Variants in THBS4 observed in about 807,000 individuals in gnomAD.
THBS4 encodes thrombospondin-4.
THBS4 carries 90 observed loss-of-function variants against 115.7 expected under a neutral mutation model. That is an observed-to-expected ratio of 0.78 (90% CI 0.66 to 0.93). The LOEUF (loss-of-function observed/expected upper bound fraction) is 0.93, where lower values mean the gene tolerates loss of function less well. Ranked by LOEUF, THBS4 falls within the 40% of genes least tolerant of loss-of-function variation. THBS4 has a pLI of 0.00. For synonymous variants in THBS4, 460 were observed against 479.3 expected (o/e 0.96, Z 0.53); for missense variants, 1,087 against 1,232.7 (o/e 0.88, Z 1.77).
At chr5:80,044,924 C>T (rs1325917864) in intron 2 of THBS4, among the ~76,000 whole-genome samples, 1 of 151,998 alleles carries the variant, frequency 6.6e-6, no homozygotes, top group African/African-American at 2.4e-5. Flanking sequence ...TAGTATCTGG[C>T]GTAAAGACAA....
At chr5:80,061,428 T>C (rs1833630443) in intron 7 of THBS4, among the ~76,000 whole-genome samples, 2 of 152,158 alleles carry the variant, frequency 1.3e-5, no homozygotes, top group Admixed American at 6.5e-5. Context: ...GCTTATTACA[T>C]TGAGAGGTAG....
At chr5:80,028,231 C>T (rs1053523108) in intron 2 of THBS4, among the ~76,000 whole-genome samples, 2 of 152,012 alleles carry the variant, frequency 1.3e-5, no homozygotes, top group East Asian at 3.9e-4. Flanking sequence ...AACTTATCTA[C>T]CCTTACCATC....
chr5:80,021,768 C>T (rs1174052558), intron 2 of THBS4, among the ~76,000 whole-genome samples: 2 of 152,278 alleles, frequency 1.3e-5, no homozygotes, highest in South Asian at 2.1e-4. Context: ...ACTCTTCCTT[C>T]GGCCTCCTAA....
intron 1 of THBS4, among the ~76,000 whole-genome samples, chr5:79,993,110 A>C (rs1233392052): frequency 1.3e-5 from 2 of 152,206 alleles, no homozygotes; most frequent in African/African-American, 4.8e-5. Context: ...CACATAACAC[A>C]GTTACTCAGT....
Position 80,065,411 on chromosome 5 carries a change from C to G in THBS4, c.1128C>G (p.Val376=), listed in dbSNP as rs748425193. 7.4e-6 allele frequency: 12 copies of G among 1,612,532 alleles called. No individual in the cohort carries two copies. The South Asian group carries it at 1.2e-4, about 16-fold the overall frequency. ...TTCTTTGAACTTTTCTGCACTAGGT[C>G]TGCACTGACATTGATGAGTGTCGAA... ...GISFAKSNKQ[V]CTDIDECRNG... The change falls in exon 9 of 22, where the codon GTC becomes GTG. Residue 376 remains valine, a splice_region_variant and synonymous_variant. Transcript: ENST00000350881.
Position 80,069,836 on chromosome 5 carries a change from G to A in THBS4, c.1348-470G>A, listed in dbSNP as rs1418902210. Reference sequence around the variant, plus strand: ...AGCACAGATGATTGAGAATAAGCAGGCTGTGGCTGAGGAAGTCACTGGTCT... The same window carrying A: ...AGCACAGATGATTGAGAATAAGCAGACTGTGGCTGAGGAAGTCACTGGTCT... On this transcript the variant is annotated intron_variant, in intron 10 of 21. Transcript: ENST00000350881. Among the ~76,000 whole-genome samples, 11 of 152,334 alleles carry A rather than the reference G, an allele frequency of 7.2e-5. No homozygotes were observed. The East Asian group carries it at 2.1e-3, about 29-fold the overall frequency.
chr5:80,038,626 A>G (rs960154582), intron 1 of THBS4, among the ~76,000 whole-genome samples: 16 of 152,084 alleles, frequency 1.1e-4, no homozygotes, highest in African/African-American at 3.9e-4. Context: ...ATGCCAACAG[A>G]GCTCAGGTTT....
intron 1 of THBS4, among the ~76,000 whole-genome samples, chr5:80,036,424 T>C (rs1245887673): frequency 6.6e-6 from 1 of 152,244 alleles, no homozygotes; most frequent in African/African-American, 2.4e-5. Context: ...CTACGTTCAC[T>C]GGGTGATGTG....
chr5:80,080,272 C>A, intron 20 of THBS4, 195 bp downstream of exon 20: 1 of 637,050 alleles, frequency 1.6e-6, no homozygotes, highest in Non-Finnish European at 2.7e-6. Context: ...ACCACCCGGA[C>A]AGGACAGTAG....
At chr5:80,041,227 T>C (rs1449686418) in intron 2 of THBS4, among the ~76,000 whole-genome samples, 6 of 152,210 alleles carry the variant, frequency 3.9e-5, no homozygotes. Context: ...CCTCACATGA[T>C]GAAGACAGAC....
rs1203481776 is a variant in THBS4, at chr5:80,058,186, A to T, written c.541-20A>T. The T allele has an allele frequency of 1.9e-6, 3 of 1,546,236 alleles. No individual in the cohort carries two copies. Among genetic ancestry groups the T allele is most frequent in the Non-Finnish European group, 2.6e-6 (3 of 1,139,900 alleles). ...TTGAACAGTGTCAGCAATCTGTGGT[A>T]TGAATGTGATTTCTTCCAGGACTTC... On this transcript the variant is annotated intron_variant, in intron 3 of 21. Coordinates refer to ENST00000350881, the MANE Select transcript of THBS4 (RefSeq NM_003248.6).
At chr5:80,031,763 G>C (rs1029685677), upstream of THBS4, among the ~76,000 whole-genome samples, 5 of 152,138 alleles carry the variant, frequency 3.3e-5, no homozygotes, top group African/African-American at 4.8e-5. Context: ...CCAAAATCCT[G>C]TTGGCCAAGC....
chr5:79,995,070 A>G (rs1831764161), intron 1 of THBS4, among the ~76,000 whole-genome samples: 1 of 152,226 alleles, frequency 6.6e-6, no homozygotes, highest in African/African-American at 2.4e-5. Flanking sequence ...AGATGAGTAA[A>G]CGAATGCTGG....
chr5:80,044,414 T>TA (rs17879105), intron 2 of THBS4, among the ~76,000 whole-genome samples: 3,185 of 150,674 alleles, frequency 0.021, 40 homozygotes, highest in Non-Finnish European at 0.034. Context: ...TAGTAGGTAA[T>TA]AAAAAAAAAA....
chr5:80,080,579 C>CTCT (rs543039828), intron 20 of THBS4, among the ~76,000 whole-genome samples: 2 of 50,464 alleles, frequency 4.0e-5, no homozygotes, highest in African/African-American at 1.6e-4. Context: ...GCGCTTGTAT[C>CTCT]TTTTTTTTTT....
chr5:80,082,229 A>C, intron 20 of THBS4, 177 bp from the exon 21 acceptor site: 2 of 723,444 alleles, frequency 2.8e-6, no homozygotes, highest in Non-Finnish European at 4.4e-6. Context: ...AAGGACTTCC[A>C]GTCTAGTAAG....
chr5:80,061,899 T>C, intron 8 of THBS4, 67 bp downstream of exon 8: 1 of 1,493,016 alleles, frequency 6.7e-7, no homozygotes, highest in Non-Finnish European at 9.0e-7. Context: ...GGTTCCCACC[T>C]CTTTGGTATA....
rs989271192 is a variant in THBS4 at position 80,035,706 on chromosome 5, C to A, written c.88+81C>A. The stretch of plus-strand genomic sequence containing the variant: ...GAGTGAGTGGAGGGACTTGCTCGGC[C>A]CTGTGCTCCTGTGGCCTTGCTCAGC... On this transcript the variant is annotated intron_variant, in intron 1 of 21. Coordinates refer to ENST00000350881, the MANE Select transcript of THBS4 (RefSeq NM_003248.6). This position sits in a 1 kb window ranked among gnomAD's most constrained non-coding sequence, Gnocchi z 4.6. 3 of 987,520 alleles carry A rather than the reference C, an allele frequency of 3.0e-6. No individual in the cohort carries two copies. The highest frequency in any genetic ancestry group is 4.0e-6 in the Non-Finnish European group (3 of 754,108). The allele number at this position is 987,520 out of a possible 1,614,324, so 61.2% of individuals were successfully genotyped here.
At position 80,046,602 on chromosome 5, in the gene THBS4, CT is replaced by C. The variant is rs796606076; in HGVS notation, c.292+6332del. ...TTTACTAAGAATAAATCATGCCAAA[CT>C]TTTTTTTTTCAGTAAAGTTTCAAAG... On this transcript the variant is annotated intron_variant, in intron 2 of 21. Transcript: ENST00000350881. 2.6e-4 allele frequency among the ~76,000 whole-genome samples: 39 copies of C among 149,654 alleles called. No individual in the cohort carries two copies. In the East Asian group the frequency reaches 4.1e-3, roughly 16 times the overall value.
Sources: allele counts gnomAD v4.1 joint callset (sites outside exome capture counted in the v4.1 genomes callset), GRCh38; gene constraint gnomAD v4.1.1; non-coding constraint Gnocchi (gnomAD v3.1); transcripts MANE v1.5; gene names NCBI Gene and HGNC (gene_info 2026-07-23, HGNC 2026-07-21).